Variants in KCNC2 observed in about 807,000 individuals in gnomAD.
KCNC2 encodes voltage-gated potassium channel KCNC2.
In KCNC2, 21 loss-of-function variants were observed where a neutral mutation model predicts 44.5. That is an observed-to-expected ratio of 0.47 (90% CI 0.33 to 0.68). The LOEUF (loss-of-function observed/expected upper bound fraction) is 0.68, where lower values mean the gene tolerates loss of function less well. KCNC2 is among the 30% of genes least tolerant of loss of function. The pLI, the probability that KCNC2 is intolerant of heterozygous loss-of-function variation, is 0.01. For synonymous variants in KCNC2, 391 were observed against 339.1 expected (o/e 1.15, Z -1.68); for missense variants, 589 against 826.2 (o/e 0.71, Z 3.52).
At chr12:75,192,533 A>C (rs1240967833) in intron 2 of KCNC2, among the ~76,000 whole-genome samples, 2 of 152,244 alleles carry the variant, frequency 1.3e-5, no homozygotes, top group African/African-American at 4.8e-5. Flanking sequence ...GGTAGATAAT[A>C]AATTAAGTGT....
At chr12:75,183,548 G>A (rs576482435) in intron 2 of KCNC2, among the ~76,000 whole-genome samples, 2 of 152,294 alleles carry the variant, frequency 1.3e-5, no homozygotes, top group East Asian at 3.9e-4. Context: ...CCCTGGAAAT[G>A]AAAGCAAACT....
intron 2 of KCNC2, among the ~76,000 whole-genome samples, chr12:75,103,165 G>T (rs1886509519): frequency 6.6e-6 from 1 of 152,242 alleles, no homozygotes; most frequent in South Asian, 2.1e-4. Context: ...AATTAAAAGA[G>T]TTAAATATAA....
chr12:75,143,151 T>G (rs1227317410), intron 2 of KCNC2, among the ~76,000 whole-genome samples: 4 of 152,144 alleles, frequency 2.6e-5, no homozygotes, highest in Admixed American at 2.6e-4. Context: ...GAGATCTAAT[T>G]CCAGGAGATT....
chr12:75,097,599 A>G (rs573515163), intron 2 of KCNC2, among the ~76,000 whole-genome samples: 8 of 151,998 alleles, frequency 5.3e-5, no homozygotes, highest in Non-Finnish European at 1.2e-4. Context: ...TAAATTTTCT[A>G]TTTTTCTATT....
At chr12:75,156,263 C>T (rs901071624) in intron 2 of KCNC2, among the ~76,000 whole-genome samples, 2 of 150,846 alleles carry the variant, frequency 1.3e-5, no homozygotes, top group Middle Eastern at 3.2e-3. Context: ...TTTTTTTGTA[C>T]AATTTGTAGA....
intron 2 of KCNC2, among the ~76,000 whole-genome samples, chr12:75,169,128 A>T (rs1414899362): frequency 6.6e-6 from 1 of 151,566 alleles, no homozygotes; most frequent in Admixed American, 6.6e-5. Context: ...AAACTAATAC[A>T]AACATTAGAT....
chr12:75,164,704 A>T (rs982942417), intron 2 of KCNC2, among the ~76,000 whole-genome samples: 1 of 151,678 alleles, frequency 6.6e-6, no homozygotes, highest in Non-Finnish European at 1.5e-5. Context: ...AACAACTGCT[A>T]TTTCATTTCT....
intron 2 of KCNC2, among the ~76,000 whole-genome samples, chr12:75,196,142 C>T (rs1280333643): frequency 6.6e-6 from 1 of 152,138 alleles, no homozygotes; most frequent in African/African-American, 2.4e-5. Flanking sequence ...GATATTATGA[C>T]ATTGCACTAT....
At chr12:75,134,944 T>C (rs1889121952) in intron 2 of KCNC2, among the ~76,000 whole-genome samples, 1 of 151,862 alleles carries the variant, frequency 6.6e-6, no homozygotes, top group South Asian at 2.1e-4. Context: ...AAACAGGCTT[T>C]ATATAATTAT....
At chr12:75,107,059 C>T (rs1369950858) in intron 2 of KCNC2, among the ~76,000 whole-genome samples, 1 of 151,696 alleles carries the variant, frequency 6.6e-6, no homozygotes, top group Non-Finnish European at 1.5e-5. Context: ...AATCCCAGCA[C>T]TTTGGGGGGC....
intron 2 of KCNC2, among the ~76,000 whole-genome samples, chr12:75,183,087 G>A (rs1171082563): frequency 1.3e-5 from 2 of 152,198 alleles, no homozygotes; most frequent in Non-Finnish European, 2.9e-5. Flanking sequence ...AGTAGTTCAT[G>A]GCTGAGAAGA....
intron 2 of KCNC2, among the ~76,000 whole-genome samples, chr12:75,175,868 G>T (rs1892149418): frequency 6.6e-6 from 1 of 152,042 alleles, no homozygotes; most frequent in Non-Finnish European, 1.5e-5. Flanking sequence ...GGTAATTATG[G>T]GATGTCCAGT....
At chr12:75,205,836 T>C (rs2031639777) in intron 2 of KCNC2, among the ~76,000 whole-genome samples, 1 of 137,382 alleles carries the variant, frequency 7.3e-6, no homozygotes. Flanking sequence ...TTGGTTGGTT[T>C]GGGTTTTTTT....
In KCNC2 at chr12:75,201,288, AAAAAAAAAAAC is replaced by A. The variant is rs1355330341; in HGVS notation, c.687+5998_687+6008del. ...AAAAAAAAAAAAAAAAAAAAAAAAA[AAAAAAAAAAAC>A]CAGATTCTGGTTTACTTTATTAGTG... is the stretch of plus-strand genomic sequence containing the variant. On this transcript the variant is annotated intron_variant, in intron 2 of 4. Transcript: ENST00000549446. Among the ~76,000 whole-genome samples the A allele has an allele frequency of 5.7e-4, 63 of 109,856 alleles. 3 individuals are homozygous for A. The highest frequency in any genetic ancestry group is 8.8e-4 in the Admixed American group (10 of 11,368). The allele number at this position is 109,856 out of a possible 152,430, so 72.1% of individuals were successfully genotyped here.
intron 2 of KCNC2, among the ~76,000 whole-genome samples, chr12:75,138,706 C>T (rs1393639035): frequency 1.3e-5 from 2 of 152,038 alleles, no homozygotes; most frequent in African/African-American, 2.4e-5. Context: ...CCGGGCTGGG[C>T]GCGGTGGCTC....
chr12:75,148,849 T>C (rs936407407), intron 2 of KCNC2, among the ~76,000 whole-genome samples: 3 of 151,972 alleles, frequency 2.0e-5, no homozygotes, highest in African/African-American at 7.2e-5. Flanking sequence ...TTTCTTGTTT[T>C]ATCTTTGCCT....
intron 2 of KCNC2, among the ~76,000 whole-genome samples, chr12:75,204,440 T>G (rs2137806334): frequency 6.6e-6 from 1 of 152,174 alleles, no homozygotes; most frequent in Non-Finnish European, 1.5e-5. Context: ...GATCCAATCC[T>G]TTCAATATTG....
chr12:75,166,199 T>C (rs1187592536), intron 2 of KCNC2, among the ~76,000 whole-genome samples: 1 of 151,144 alleles, frequency 6.6e-6, no homozygotes, highest in Non-Finnish European at 1.5e-5. Context: ...TAAAATGATT[T>C]ATAAATTTAT....
intron 2 of KCNC2, among the ~76,000 whole-genome samples, chr12:75,136,057 G>A (rs1173779934): frequency 6.6e-6 from 1 of 151,372 alleles, no homozygotes; most frequent in South Asian, 2.1e-4. Context: ...TTTTTTTCTT[G>A]GTATATTTAA....
Sources: gnomAD v4.1 joint callset for allele counts (sites outside exome capture counted in the v4.1 genomes callset) on GRCh38, gnomAD v4.1.1 for gene constraint, MANE v1.5 for transcripts, NCBI Gene and HGNC (gene_info 2026-07-23, HGNC 2026-07-21) for gene names.